Variants in EYA4 observed in about 807,000 individuals in gnomAD.
The protein encoded by EYA4 is EYA transcriptional coactivator and phosphatase 4, also known as protein phosphatase EYA4.
In EYA4, 31 loss-of-function variants were observed where a neutral mutation model predicts 87.9. The ratio of observed to expected loss-of-function variants is 0.35; its 90% CI spans 0.27 to 0.48. The LOEUF is 0.48. Among genes scored for constraint, EYA4 ranks in the 20% least tolerant of loss-of-function variants. The pLI is 0.99. For missense variants in EYA4, 678 were observed against 761.4 expected (o/e 0.89, Z 1.29); for synonymous variants, 263 against 270.6 (o/e 0.97, Z 0.28).
chr6:133,458,188 G>T (rs952759342), intron 6 of EYA4, among the ~76,000 whole-genome samples: 2 of 152,068 alleles, frequency 1.3e-5, no homozygotes, highest in African/African-American at 4.8e-5. Flanking sequence ...ATCTAGGGAC[G>T]TGCTGTCCAG....
At chr6:133,410,901 A>G (rs1188875915) in intron 3 of EYA4, among the ~76,000 whole-genome samples, 1 of 152,002 alleles carries the variant, frequency 6.6e-6, no homozygotes, top group Non-Finnish European at 1.5e-5. Flanking sequence ...TCAAAGTAGC[A>G]GTACTGAAGT....
chr6:133,255,981 G>T (rs1775302709), intron 1 of EYA4, among the ~76,000 whole-genome samples: 1 of 151,806 alleles, frequency 6.6e-6, no homozygotes, highest in Non-Finnish European at 1.5e-5. Flanking sequence ...ATACCAAAAT[G>T]CTTTTTAAAA....
Position 133,322,308 on chromosome 6 carries a change from G to A in EYA4, c.33+47495G>A, listed in dbSNP as rs866024386. ...TATAGGAATGTAGAATTGTGTAGTCGTTGTGCTATAAAAGGACTATCCTCT... is the reference window on the plus strand; with the variant it reads ...TATAGGAATGTAGAATTGTGTAGTCATTGTGCTATAAAAGGACTATCCTCT... On this transcript the variant is annotated intron_variant, in intron 2 of 19. Coordinates refer to ENST00000355286, the MANE Select transcript of EYA4 (RefSeq NM_004100.5). Among the ~76,000 whole-genome samples the A allele has an allele frequency of 4.2e-4, 64 of 152,288 alleles. 1 individual carries two copies. Among genetic ancestry groups the A allele is most frequent in the Middle Eastern group, 3.4e-3 (1 of 292 alleles).
intron 5 of EYA4, among the ~76,000 whole-genome samples, chr6:133,454,198 T>C (rs1285089277): frequency 6.6e-6 from 1 of 152,142 alleles, no homozygotes; most frequent in Non-Finnish European, 1.5e-5. Flanking sequence ...TTTGCAAATA[T>C]TGTTCGTAGA....
chr6:133,256,350 C>T (rs1775335878), intron 1 of EYA4, among the ~76,000 whole-genome samples: 1 of 151,318 alleles, frequency 6.6e-6, no homozygotes, highest in African/African-American at 2.4e-5. Flanking sequence ...TTTTTTTTTA[C>T]TTAGTACCAT....
At chr6:133,291,472 A>G (rs1238415871) in intron 2 of EYA4, among the ~76,000 whole-genome samples, 1 of 152,202 alleles carries the variant, frequency 6.6e-6, no homozygotes, top group Non-Finnish European at 1.5e-5. Flanking sequence ...ATCTTTGGCA[A>G]ATTGATATAA....
At chr6:133,356,072 AG>A in intron 2 of EYA4, among the ~76,000 whole-genome samples, 1 of 151,984 alleles carries the variant, frequency 6.6e-6, no homozygotes, top group African/African-American at 2.4e-5. Flanking sequence ...AGAGAGAGAG[AG>A]AGAGAGAAAA....
In EYA4 at chr6:133,281,763, C is replaced by G. The variant is rs369212613; in HGVS notation, c.33+6950C>G. On this transcript the variant is annotated intron_variant, in intron 2 of 19. Transcript: ENST00000355286. ...AACTGGTAGTTGTTCAGCCCTTGTT[C>G]CTCTTCCTCCCTGCCACTTCCGGTA... Among the ~76,000 whole-genome samples the G allele has an allele frequency of 1.7e-3, 265 of 152,244 alleles. 7 individuals are homozygous for G. The South Asian group carries it at 0.052, about 30-fold the overall frequency.
At chr6:133,466,534 C>T (rs993203678) in intron 10 of EYA4, among the ~76,000 whole-genome samples, 8 of 151,912 alleles carry the variant, frequency 5.3e-5, no homozygotes, top group African/African-American at 1.9e-4. Context: ...GACAAACATA[C>T]AATAAACCAG....
At chr6:133,332,811 G>T (rs533671854) in intron 2 of EYA4, among the ~76,000 whole-genome samples, 2 of 149,528 alleles carry the variant, frequency 1.3e-5, no homozygotes, top group Non-Finnish European at 3.0e-5. Context: ...ATCCGCCCGC[G>T]TTGGCCTCGC....
Position 133,529,363 on chromosome 6 carries a change from C to A in EYA4, c.*558C>A, listed in dbSNP as rs1800869679. On this transcript the variant is annotated 3_prime_UTR_variant, in exon 20 of 20. Transcript: ENST00000355286. ...TTCAAAGTGGATGCAATTTTTCTTTCTTTTGTTGGGGAGGGGAATGGGAGG... is the reference window on the plus strand; with the variant it reads ...TTCAAAGTGGATGCAATTTTTCTTTATTTTGTTGGGGAGGGGAATGGGAGG... 35 of 994,302 alleles carry A rather than the reference C, an allele frequency of 3.5e-5. No individual in the cohort carries two copies. Among genetic ancestry groups the A allele is most frequent in the Non-Finnish European group, 4.1e-5 (34 of 834,300 alleles). The allele number at this position is 994,302 out of a possible 1,614,324, so 61.6% of individuals were successfully genotyped here.
At chr6:133,391,807 C>G (rs1313551525) in intron 3 of EYA4, among the ~76,000 whole-genome samples, 2 of 152,128 alleles carry the variant, frequency 1.3e-5, no homozygotes, top group Non-Finnish European at 2.9e-5. Context: ...GTGCCCTCTA[C>G]TTTCTACTCC....
At chr6:133,243,566 G>C (rs954888552) in intron 1 of EYA4, among the ~76,000 whole-genome samples, 1 of 151,596 alleles carries the variant, frequency 6.6e-6, no homozygotes, top group African/African-American at 2.4e-5. Context: ...TTTGTTTGTT[G>C]CGTTGTTTTT....
chr6:133,323,825 T>G (rs1781287319), intron 2 of EYA4, among the ~76,000 whole-genome samples: 1 of 152,030 alleles, frequency 6.6e-6, no homozygotes, highest in Non-Finnish European at 1.5e-5. Context: ...TGCTGAAGAG[T>G]CCTGCTCTCA....
intron 3 of EYA4, among the ~76,000 whole-genome samples, chr6:133,410,624 C>G (rs1387026397): frequency 6.7e-6 from 1 of 149,810 alleles, no homozygotes; most frequent in Non-Finnish European, 1.5e-5. Flanking sequence ...TTCCATAGAA[C>G]TAAGGTCTTA....
intron 18 of EYA4, among the ~76,000 whole-genome samples, chr6:133,523,782 T>A (rs541279127): frequency 6.6e-6 from 1 of 152,296 alleles, no homozygotes; most frequent in South Asian, 2.1e-4. Context: ...CAACTTCTAA[T>A]AAACATTCAA....
Position 133,448,122 on chromosome 6 carries a change from A to T in EYA4, c.220A>T (p.Thr74Ser). Residue 74 changes from threonine to serine, a missense_variant, in exon 5 of 20, where the codon ACT (threonine) becomes TCT (serine). Coordinates refer to ENST00000355286, the MANE Select transcript of EYA4 (RefSeq NM_004100.5). ...TTNGTGGENM[T>S]VLNTADWLLS... is the part of the protein sequence containing the mutation. ...GTTCCTGTTCTCAGGGGAAAACATG[A>T]CTGTTTTAAACACAGCAGACTGGTT... 6.2e-7 allele frequency: 1 copy of T among 1,612,448 alleles called. No individual in the cohort carries two copies. The highest frequency in any genetic ancestry group is 1.7e-4 in the Middle Eastern group (1 of 6,060).
rs892324840 is a variant in EYA4 at position 133,515,411 on chromosome 6, A to C, written c.1592A>C (p.Lys531Thr). ...GATTCCTGGCTAACAAATGCACTTA[A>C]GTCTTTATCAATTATTAGCACTAGG... The part of the protein sequence containing the change: ...LTDSWLTNAL[K>T]SLSIISTRSN... Residue 531 changes from lysine (K) to threonine (T), a missense_variant, in exon 17 of 20, where the codon AAG becomes ACG. Lys to Thr is a moderately conservative substitution (Grantham distance 78). Transcript: ENST00000355286. 1.2e-6 allele frequency: 2 copies of C among 1,603,556 alleles called. No individual in the cohort carries two copies. The highest frequency in any genetic ancestry group is 1.3e-5 in the African/African-American group (1 of 74,766).
At chr6:133,400,932 A>G (rs575795812) in intron 3 of EYA4, among the ~76,000 whole-genome samples, 1 of 152,316 alleles carries the variant, frequency 6.6e-6, no homozygotes, top group South Asian at 2.1e-4. Context: ...TTGGAATGAG[A>G]CTGGGGACAC....
Sources: gnomAD v4.1 joint callset for allele counts (sites outside exome capture counted in the v4.1 genomes callset) on GRCh38, gnomAD v4.1.1 for gene constraint, MANE v1.5 for transcripts, NCBI Gene and HGNC (gene_info 2026-07-23, HGNC 2026-07-21) for gene names.